Variants in SPTLC2 observed in about 807,000 individuals in gnomAD.
SPTLC2 encodes serine palmitoyltransferase 2.
A neutral mutation model predicts 62.0 loss-of-function variants in SPTLC2; 21 were observed. The ratio of observed to expected loss-of-function variants is 0.34; its 90% CI spans 0.24 to 0.49. The LOEUF (loss-of-function observed/expected upper bound fraction) is 0.49. SPTLC2 is among the 20% of genes least tolerant of loss of function. The pLI is 0.99. For missense variants in SPTLC2, 511 were observed against 713.0 expected, an observed-to-expected ratio of 0.72 and a Z score of 3.23; for synonymous variants, 261 against 261.8, an observed-to-expected ratio of 1.00 and a Z score of 0.03.
At chr14:77,556,349 A>C (rs550741624) in intron 7 of SPTLC2, among the ~76,000 whole-genome samples, 2 of 149,462 alleles carry the variant, frequency 1.3e-5, no homozygotes, top group Non-Finnish European at 3.0e-5. Context: ...AAAACAAAAA[A>C]CAAGCACCAA....
intron 9 of SPTLC2, among the ~76,000 whole-genome samples, chr14:77,523,430 G>A (rs1392781843): frequency 6.6e-6 from 1 of 152,176 alleles, no homozygotes; most frequent in Non-Finnish European, 1.5e-5. Context: ...ATCAGAGCTG[G>A]GGAGGCTGCG....
At chr14:77,587,687 G>A (rs556851387) in intron 2 of SPTLC2, among the ~76,000 whole-genome samples, 3 of 151,648 alleles carry the variant, frequency 2.0e-5, no homozygotes, top group African/African-American at 7.3e-5. Context: ...AACCTGGGAG[G>A]TGGAGGTTGC....
chr14:77,546,608 C>T (rs79559630), intron 9 of SPTLC2, among the ~76,000 whole-genome samples: 3,431 of 152,246 alleles, frequency 0.023, 108 homozygotes, highest in African/African-American at 0.078. Context: ...AATCTTACCC[C>T]TACCACTGGA....
intron 2 of SPTLC2, among the ~76,000 whole-genome samples, chr14:77,583,105 T>C (rs2079761212): frequency 6.6e-6 from 1 of 151,610 alleles, no homozygotes; most frequent in African/African-American, 2.4e-5. Context: ...GAGGCTGAGG[T>C]GGACAGATCA....
intron 2 of SPTLC2, among the ~76,000 whole-genome samples, chr14:77,596,615 T>C (rs1200208451): frequency 6.6e-6 from 1 of 152,236 alleles, no homozygotes; most frequent in Admixed American, 6.5e-5. Context: ...ACCATGCTCA[T>C]ATGTTTGCCA....
At chr14:77,551,131 C>T (rs1254370227) in intron 9 of SPTLC2, among the ~76,000 whole-genome samples, 3 of 152,164 alleles carry the variant, frequency 2.0e-5, no homozygotes, top group East Asian at 1.9e-4. Flanking sequence ...CGGTGGCTCA[C>T]GCCTGTAATC....
At chr14:77,549,245 C>T (rs962847644) in intron 9 of SPTLC2, among the ~76,000 whole-genome samples, 16 of 149,582 alleles carry the variant, frequency 1.1e-4, no homozygotes, top group Admixed American at 8.7e-4. Context: ...AAAAAACCAG[C>T]CACAAATTCT....
intron 9 of SPTLC2, among the ~76,000 whole-genome samples, chr14:77,524,578 T>C (rs1180245102): frequency 6.6e-6 from 1 of 152,228 alleles, no homozygotes; most frequent in Non-Finnish European, 1.5e-5. Flanking sequence ...ACTACAGCAC[T>C]ATTCACAAGA....
intron 11 of SPTLC2, among the ~76,000 whole-genome samples, 168 bp downstream of exon 11, chr14:77,517,870 G>C (rs1050469520): frequency 6.6e-6 from 1 of 152,158 alleles, no homozygotes. Flanking sequence ...ATGCAGGTGT[G>C]GTGGGTGACA....
At chr14:77,523,806 T>C (rs780959370) in intron 9 of SPTLC2, among the ~76,000 whole-genome samples, 4 of 152,092 alleles carry the variant, frequency 2.6e-5, no homozygotes, top group Non-Finnish European at 5.9e-5. Flanking sequence ...AAAAGCAAGC[T>C]TTGAAAGGAT....
Position 77,509,948 on chromosome 14 carries a change from A to T in SPTLC2, c.*2336T>A, listed in dbSNP as rs1428620333. ...ATTTGCAGTGACTTCATGCAAGCCAAAATAAAAAGACTAGCAGGTAAGTTC... is the reference window on the plus strand; with the variant it reads ...ATTTGCAGTGACTTCATGCAAGCCATAATAAAAAGACTAGCAGGTAAGTTC... On this transcript the variant is annotated 3_prime_UTR_variant, in exon 12 of 12. Coordinates refer to ENST00000216484, the MANE Select transcript of SPTLC2 (RefSeq NM_004863.4). 2.5e-6 allele frequency: 1 copy of T among 398,330 alleles called. No homozygotes were observed. Among genetic ancestry groups the T allele is most frequent in the Admixed American group, 4.4e-5 (1 of 22,710 alleles). 24.7% of individuals were successfully genotyped at this position (398,330 alleles called of 1,614,324 possible).
chr14:77,550,859 G>A lies in SPTLC2; in HGVS notation c.1303+1237C>T, dbSNP rs183378663. ...GCGGAGGTTGCTGTGAGCTGAGATC[G>A]CACCACTACACTCCAGCCCGGGAGA... On this transcript the variant is annotated intron_variant, in intron 9 of 11. Transcript: ENST00000216484. 1.5e-3 allele frequency among the ~76,000 whole-genome samples: 223 copies of A among 148,602 alleles called. 1 individual carries two copies. Among genetic ancestry groups the A allele is most frequent in the Non-Finnish European group, 2.3e-3 (154 of 67,464 alleles).
chr14:77,549,688 G>C (rs957515690), intron 9 of SPTLC2, among the ~76,000 whole-genome samples: 17 of 152,210 alleles, frequency 1.1e-4, no homozygotes, highest in African/African-American at 4.1e-4. Context: ...AGCATAATCA[G>C]ATGGCTGTTG....
intron 1 of SPTLC2, among the ~76,000 whole-genome samples, chr14:77,610,385 G>A (rs946642223): frequency 2.0e-5 from 3 of 152,030 alleles, no homozygotes; most frequent in Admixed American, 6.6e-5. Context: ...CAAGTGATCC[G>A]CCCATCTCGG....
chr14:77,519,289 C>T (rs997875649), intron 10 of SPTLC2, among the ~76,000 whole-genome samples: 2 of 152,142 alleles, frequency 1.3e-5, no homozygotes, highest in East Asian at 1.9e-4. Flanking sequence ...CCACCCACCT[C>T]GGCCTCCCAA....
intron 2 of SPTLC2, among the ~76,000 whole-genome samples, chr14:77,580,348 G>C (rs1292701960): frequency 6.6e-6 from 1 of 151,666 alleles, no homozygotes; most frequent in African/African-American, 2.4e-5. Context: ...TGGGCATGGT[G>C]GCGGGTGCCT....
At chr14:77,512,536 A>G (rs1311204427) in intron 11 of SPTLC2, 133 bp from the exon 12 acceptor site, 1 of 1,338,704 alleles carries the variant, frequency 7.5e-7, no homozygotes, top group Admixed American at 1.9e-5. Flanking sequence ...CATTTACAAG[A>G]TCAGACTACA....
intron 1 of SPTLC2, among the ~76,000 whole-genome samples, chr14:77,607,114 AAAGG>A (rs1406446042): frequency 3.9e-5 from 6 of 152,312 alleles, no homozygotes; most frequent in East Asian, 1.9e-4. Context: ...TGTAAATATA[AAAGG>A]AAGTAAGGAA....
Position 77,511,569 on chromosome 14 carries a change from GGAA to G in SPTLC2, c.*712_*714del, listed in dbSNP as rs1805715444. On this transcript the variant is annotated 3_prime_UTR_variant, in exon 12 of 12. Transcript: ENST00000216484. ...TGGGACGTGTTACGGTTAGAGCTTG[GGAA>G]GAACCAGAATTTGCGCACATCCTCA... 1 of 153,460 alleles carries G rather than the reference GGAA, an allele frequency of 6.5e-6. No individual in the cohort carries two copies. Among genetic ancestry groups the G allele is most frequent in the Non-Finnish European group, 1.4e-5 (1 of 69,024 alleles). The allele number at this position is 153,460 out of a possible 1,614,324, so 9.5% of individuals were successfully genotyped here. A position where few individuals can be genotyped will look rare whatever the true frequency, so the allele number is the denominator to read the frequency against.
Sources: allele counts gnomAD v4.1 joint callset (sites outside exome capture counted in the v4.1 genomes callset), GRCh38; gene constraint gnomAD v4.1.1; transcripts MANE v1.5; gene names NCBI Gene and HGNC (gene_info 2026-07-23, HGNC 2026-07-21).